ABCC2: variants seen among roughly 807,000 people sequenced by gnomAD.
ABCC2 encodes ATP-binding cassette sub-family C member 2.
Under a neutral mutation model 173.4 loss-of-function variants are expected in ABCC2, and 157 were observed. That is an observed-to-expected ratio of 0.91 (90% CI 0.80 to 1.03). The LOEUF is 1.03. Among genes scored for constraint, ABCC2 ranks in the 50% least tolerant of loss-of-function variants. The pLI is 0.00. For missense variants in ABCC2, 1,822 were observed against 1,852.3 expected, an observed-to-expected ratio of 0.98 and a Z score of 0.30; for synonymous variants, 657 against 693.5, an observed-to-expected ratio of 0.95 and a Z score of 0.83.
At chr10:99,812,838 A>G (rs1378835521) in intron 15 of ABCC2, among the ~76,000 whole-genome samples, 180 bp from the exon 16 acceptor site, 1 of 152,238 alleles carries the variant, frequency 6.6e-6, no homozygotes, top group Non-Finnish European at 1.5e-5. Flanking sequence ...TAGAGCTAAG[A>G]AAAGAAAAAG....
chr10:99,819,387 G>A, intron 19 of ABCC2, 118 bp downstream of exon 19: 1 of 1,010,142 alleles, frequency 9.9e-7, no homozygotes, highest in Non-Finnish European at 1.5e-6. Flanking sequence ...AAACTACCCA[G>A]AGATTCAAAC....
chr10:99,851,556 G>T lies in ABCC2; in HGVS notation c.4563G>T (p.Leu1521=). The T allele has an allele frequency of 6.2e-7, 1 of 1,614,142 alleles. No homozygotes were observed. Among genetic ancestry groups the T allele is most frequent in the South Asian group, 1.1e-5 (1 of 91,088 alleles). Residue 1521 remains leucine, a synonymous_variant, in exon 32 of 32, where the codon CTG becomes CTT. Coordinates refer to ENST00000647814, the MANE Select transcript of ABCC2 (RefSeq NM_000392.5). ...KIIECGSPEE[L]LQIPGPFYFM... ...TAGAGTGCGGCAGCCCTGAAGAACT[G>T]CTACAAATCCCTGGACCCTTTTACT...
rs1395260791 is a variant in ABCC2, at chr10:99,784,705, C to T, written c.131C>T (p.Ala44Val). The T allele has an allele frequency of 6.2e-7, 1 of 1,613,512 alleles. No individual in the cohort carries two copies. Among genetic ancestry groups the T allele is most frequent in the Non-Finnish European group, 8.5e-7 (1 of 1,179,518 alleles). Reference protein sequence around the residue: ...WIPLGYLWLLAPWQLLHVYKS... With the variant: ...WIPLGYLWLLVPWQLLHVYKS... ...CCCTTGGGCTACCTATGGCTCCTGG[C>T]CCCCTGGCAGCTTCTCCACGTGTAT... Residue 44 changes from alanine (A) to valine (V), a missense_variant, in exon 2 of 32, where the codon GCC becomes GTC. Coordinates refer to ENST00000647814, the MANE Select transcript of ABCC2 (RefSeq NM_000392.5).
intron 7 of ABCC2, 78 bp from the exon 8 acceptor site, chr10:99,799,129 C>T (rs765708935): frequency 1.1e-5 from 17 of 1,565,714 alleles, no homozygotes; most frequent in Non-Finnish European, 1.4e-5. Context: ...ACGGGGCTCA[C>T]AGGCTGACCA....
Position 99,813,016 on chromosome 10 carries a change from A to C in ABCC2, c.1968-2A>C. ...TCCTTCAAAGACATTCCTGTCTTTC[A>C]GTGTGAACCTGGACATTATGGCAGG... On this transcript the variant is annotated splice_acceptor_variant, in intron 15 of 31. Transcript: ENST00000647814. LOFTEE classifies it high-confidence loss of function. The C allele has an allele frequency of 6.2e-7, 1 of 1,613,852 alleles. No homozygotes were observed. Among genetic ancestry groups the C allele is most frequent in the Non-Finnish European group, 8.5e-7 (1 of 1,179,790 alleles).
intron 29 of ABCC2, among the ~76,000 whole-genome samples, chr10:99,846,687 G>A (rs887227670): frequency 6.6e-6 from 1 of 152,158 alleles, no homozygotes. Context: ...TGCAGTGAGC[G>A]GTGTTTGTGC....
At chr10:99,848,103 G>C in intron 30 of ABCC2, among the ~76,000 whole-genome samples, 1 of 152,136 alleles carries the variant, frequency 6.6e-6, no homozygotes. Flanking sequence ...GGCTAGACTG[G>C]ACATAGGGAG....
rs771202302 is a variant in ABCC2, at chr10:99,800,456, T to C, written c.1102T>C (p.Phe368Leu). Residue 368 changes from phenylalanine to leucine, a missense_variant, in exon 9 of 32, where the codon TTC becomes CTC. Phe to Leu is a conservative substitution (Grantham distance 22). Transcript: ENST00000647814. The part of the protein sequence containing the change: ...WIGYLCAILL[F>L]TAALIQSFCL... ...TGGATATCTCTGTGCAATCCTCTTA[T>C]TCACTGCGGCTCTCATTCAGTCTTT... is the stretch of plus-strand genomic sequence containing the variant. 2 of 1,614,198 alleles carry C rather than the reference T, an allele frequency of 1.2e-6. No individual in the cohort carries two copies. Among genetic ancestry groups the C allele is most frequent in the African/African-American group, 1.3e-5 (1 of 75,050 alleles).
intron 28 of ABCC2, 52 bp from the exon 29 acceptor site, chr10:99,845,572 T>C: frequency 1.2e-6 from 2 of 1,608,400 alleles, no homozygotes; most frequent in Admixed American, 3.3e-5. Context: ...CTAAATAACT[T>C]TTCCCCAAGA....
chr10:99,798,561 T>C (rs537749244), intron 7 of ABCC2, among the ~76,000 whole-genome samples: 6 of 152,254 alleles, frequency 3.9e-5, no homozygotes, highest in African/African-American at 1.4e-4. Flanking sequence ...AATCCTCTCT[T>C]CCACCTTCTA....
chr10:99,836,679 T>A (rs1259082634), intron 25 of ABCC2, among the ~76,000 whole-genome samples: 1 of 152,212 alleles, frequency 6.6e-6, no homozygotes, highest in Non-Finnish European at 1.5e-5. Flanking sequence ...TTTACTTTTC[T>A]GAGAACGGAT....
At chr10:99,814,292 CGT>C (rs1564684293) in intron 16 of ABCC2, among the ~76,000 whole-genome samples, 45 of 69,182 alleles carry the variant, frequency 6.5e-4, no homozygotes, top group African/African-American at 2.8e-3. Flanking sequence ...TATACACACA[CGT>C]ATGTATACAC....
intron 16 of ABCC2, among the ~76,000 whole-genome samples, chr10:99,813,413 C>T (rs2038251590): frequency 6.6e-6 from 1 of 152,130 alleles, no homozygotes; most frequent in Non-Finnish European, 1.5e-5. Context: ...AGAGGTCTTC[C>T]TTCAAAATAT....
chr10:99,834,543 T>C lies in ABCC2; in HGVS notation c.3414+8T>C. 1 of 1,613,978 alleles carries C rather than the reference T, an allele frequency of 6.2e-7. No homozygotes were observed. Among genetic ancestry groups the C allele is most frequent in the Non-Finnish European group, 8.5e-7 (1 of 1,179,842 alleles). ...ATTTATGTATCTGTTCAGGTAGGTT[T>C]GGAAATGGCTAAGTCATCCTTCCTT... On this transcript the variant is annotated splice_region_variant and intron_variant, in intron 24 of 31. Transcript: ENST00000647814.
At chr10:99,789,299 G>A (rs190683265) in intron 2 of ABCC2, 6 of 152,350 alleles carry the variant, frequency 3.9e-5, no homozygotes, top group African/African-American at 1.4e-4. Context: ...TCATTTGCAA[G>A]GATGGATAAC....
chr10:99,793,415 T>C (rs1291980283), intron 3 of ABCC2, 136 bp from the exon 4 acceptor site: 1 of 1,298,454 alleles, frequency 7.7e-7, no homozygotes, highest in African/African-American at 1.5e-5. Flanking sequence ...ATCTGTGTGC[T>C]CTCTACCTGG....
intron 27 of ABCC2, 34 bp downstream of exon 27, chr10:99,843,934 C>A: frequency 6.6e-7 from 1 of 1,511,972 alleles, no homozygotes; most frequent in Non-Finnish European, 9.2e-7. Flanking sequence ...AGGAACAAGG[C>A]AAAAACAACA....
At position 99,817,357 on chromosome 10, in the gene ABCC2, T is replaced by A; in HGVS notation, c.2144T>A (p.Ile715Lys). The change falls in exon 17 of 32, where the codon ATA becomes AAA. Residue 715 changes from isoleucine to lysine, a missense_variant. Physicochemically the swap from Ile to Lys is moderately radical, Grantham distance 102. Transcript: ENST00000647814. Reference protein sequence around the residue: ...PQQSWIQNGTIKDNILFGTEF... With the variant: ...PQQSWIQNGTKKDNILFGTEF... ...CAGTCCTGGATTCAGAATGGCACCATAAAGGACAACATCCTTTTTGGAACA... is the reference window on the plus strand; with the variant it reads ...CAGTCCTGGATTCAGAATGGCACCAAAAAGGACAACATCCTTTTTGGAACA... 6.2e-7 allele frequency: 1 copy of A among 1,614,168 alleles called. No homozygotes were observed. The highest frequency in any genetic ancestry group is 2.2e-5 in the East Asian group (1 of 44,884).
chr10:99,834,430 TA>T lies in ABCC2; in HGVS notation c.3310del (p.Thr1104HisfsTer6). Reference protein sequence around the residue: ...TLPQSLRSWITCFLGIISTLV... With the variant: ...TLPQSLRSWIXCFLGIISTLV... Reference sequence around the variant, plus strand: ...TGCCTCAGTCCTTGCGCAGCTGGATTACATGCTTCCTGGGGATAATCAGCAC... The same window carrying T: ...TGCCTCAGTCCTTGCGCAGCTGGATTCATGCTTCCTGGGGATAATCAGCAC... On this transcript the variant is annotated frameshift_variant, in exon 24 of 32. Transcript: ENST00000647814. LOFTEE classifies it high-confidence loss of function. 1 of 1,614,188 alleles carries T rather than the reference TA, an allele frequency of 6.2e-7. No individual in the cohort carries two copies. Among genetic ancestry groups the T allele is most frequent in the Non-Finnish European group, 8.5e-7 (1 of 1,180,040 alleles).
Sources: gnomAD v4.1 joint callset for allele counts (sites outside exome capture counted in the v4.1 genomes callset) on GRCh38, gnomAD v4.1.1 for gene constraint, MANE v1.5 for transcripts, NCBI Gene and HGNC (gene_info 2026-07-23, HGNC 2026-07-21) for gene names.